Variants in PDE8B observed in about 807,000 individuals in gnomAD.
PDE8B encodes high affinity cAMP-specific and IBMX-insensitive 3',5'-cyclic phosphodiesterase 8B.
PDE8B carries 26 observed loss-of-function variants against 101.3 expected under a neutral mutation model. The observed-to-expected ratio is 0.26, with a 90% CI of 0.19 to 0.36. The LOEUF (loss-of-function observed/expected upper bound fraction) is 0.36, where lower values mean the gene tolerates loss of function less well. Ranked by LOEUF, PDE8B falls within the 10% of genes least tolerant of loss-of-function variation. The pLI, the probability that PDE8B is intolerant of heterozygous loss-of-function variation, is 1.00. For synonymous variants in PDE8B, 424 were observed against 429.3 expected (o/e 0.99, Z 0.15); for missense variants, 810 against 1,163.1 (o/e 0.70, Z 4.42).
the PDE8B span, among the ~76,000 whole-genome samples, chr5:77,173,634 T>A: frequency 6.6e-6 from 1 of 151,974 alleles, no homozygotes; most frequent in Admixed American, 6.6e-5. Flanking sequence ...CCTCTTTTTT[T>A]AATGTGAAGC....
Position 77,321,245 on chromosome 5 carries a change from G to C in PDE8B, c.400-4294G>C, listed in dbSNP as rs559628193. On this transcript the variant is annotated intron_variant, in intron 2 of 21. Transcript: ENST00000264917. ...GCTCACTGCAACATCTCTGCCTCTC[G>C]GGTTCAAGCAATTCTCCTGCTTCAG... 3.5e-5 allele frequency among the ~76,000 whole-genome samples: 5 copies of C among 142,114 alleles called. No homozygotes were observed. The South Asian group carries it at 6.4e-4, about 18-fold the overall frequency. 93.2% of individuals were successfully genotyped at this position (142,114 alleles called of 152,430 possible). A position where few individuals can be genotyped will look rare whatever the true frequency, so the allele number is the denominator to read the frequency against.
the PDE8B span, among the ~76,000 whole-genome samples, chr5:77,129,426 G>A: frequency 6.6e-6 from 1 of 152,054 alleles, no homozygotes; most frequent in South Asian, 2.1e-4. Context: ...TAGCCAGGAT[G>A]GTCACTGTAA....
At chr5:77,237,699 C>T (rs73767346) in intron 1 of PDE8B, among the ~76,000 whole-genome samples, 2,205 of 152,240 alleles carry the variant, frequency 0.014, 44 homozygotes, top group African/African-American at 0.051. Flanking sequence ...TTCCTTCATT[C>T]GTGATGTTCC....
chr5:77,305,252 A>G (rs1394244268), intron 1 of PDE8B, among the ~76,000 whole-genome samples: 1 of 152,224 alleles, frequency 6.6e-6, no homozygotes, highest in African/African-American at 2.4e-5. Flanking sequence ...TTCCCCAGGT[A>G]CTTCTAATAT....
At chr5:77,178,984 G>A in the PDE8B span, among the ~76,000 whole-genome samples, 1 of 152,212 alleles carries the variant, frequency 6.6e-6, no homozygotes, top group East Asian at 1.9e-4. Context: ...AGTGTCATTT[G>A]GTCACCTTTG....
chr5:77,416,431 G>A (rs2151138761), intron 17 of PDE8B, among the ~76,000 whole-genome samples: 1 of 152,314 alleles, frequency 6.6e-6, no homozygotes, highest in East Asian at 1.9e-4. Context: ...GCTGTCCTGG[G>A]TCCTGAGCTT....
intron 1 of PDE8B, among the ~76,000 whole-genome samples, chr5:77,221,996 G>A (rs2149435678): frequency 6.6e-6 from 1 of 152,278 alleles, no homozygotes; most frequent in African/African-American, 2.4e-5. Flanking sequence ...GTCATGCCAA[G>A]GCCCCAAACA....
At position 77,325,717 on chromosome 5, in the gene PDE8B, A is replaced by T. The variant is rs1342794203; in HGVS notation, c.578A>T (p.Glu193Val). Residue 193 changes from glutamate (E) to valine (V), a missense_variant, in exon 3 of 22, where the codon GAA becomes GTA. Physicochemically the swap from Glu to Val is moderately radical, Grantham distance 121. This residue lies in a region of PDE8B where 251 missense variants were observed against 378.8 expected (regional missense o/e 0.66). Coordinates refer to ENST00000264917, the MANE Select transcript of PDE8B (RefSeq NM_003719.5). ...DHRQTQNFDA[E>V]AVCRSIRATN... ...AGACAAACTCAGAACTTCGATGCAG[A>T]AGCAGTGTGCAGGTACCTTCTCTAA... 1 of 1,610,512 alleles carries T rather than the reference A, an allele frequency of 6.2e-7. No homozygotes were observed. Among genetic ancestry groups the T allele is most frequent in the Admixed American group, 1.7e-5 (1 of 60,024 alleles).
intron 1 of PDE8B, among the ~76,000 whole-genome samples, chr5:77,305,625 G>A (rs1477943546): frequency 6.6e-6 from 1 of 152,210 alleles, no homozygotes; most frequent in Non-Finnish European, 1.5e-5. Flanking sequence ...CTGACTGGAA[G>A]CCAGAGGACA....
rs1796013012 is a variant in PDE8B at position 77,418,524 on chromosome 5, G to A, written c.2129+78G>A. On this transcript the variant is annotated intron_variant, in intron 18 of 21. Transcript: ENST00000264917. ...CCCAAATACTTAGCTTCCTCTTAGG[G>A]GAAAGGGAAAATATTAGCTGTCCCA... 3.1e-6 allele frequency: 3 copies of A among 981,670 alleles called. No individual in the cohort carries two copies. The African/African-American group carries it at 4.8e-5, about 16-fold the overall frequency. 60.8% of individuals were successfully genotyped at this position (981,670 alleles called of 1,614,324 possible). A position where few individuals can be genotyped will look rare whatever the true frequency, so the allele number is the denominator to read the frequency against.
the PDE8B span, among the ~76,000 whole-genome samples, chr5:77,102,220 T>C: frequency 6.6e-6 from 1 of 152,184 alleles, no homozygotes; most frequent in Non-Finnish European, 1.5e-5. Flanking sequence ...ACTTGGCAGC[T>C]CCATTTTTGT....
the PDE8B span, among the ~76,000 whole-genome samples, chr5:77,124,595 A>AG: frequency 6.0e-5 from 9 of 150,312 alleles, no homozygotes; most frequent in Admixed American, 1.3e-4. Context: ...CAAAAAAAAA[A>AG]AAAGAAAGAA....
chr5:77,255,688 T>TC (rs999643704), intron 1 of PDE8B, among the ~76,000 whole-genome samples: 24 of 152,128 alleles, frequency 1.6e-4, no homozygotes, highest in African/African-American at 5.8e-4. Context: ...CAGGCGGAGG[T>TC]CAGTGCTCTG....
intron 1 of PDE8B, among the ~76,000 whole-genome samples, chr5:77,215,726 G>A (rs764717609): frequency 2.6e-5 from 4 of 152,206 alleles, no homozygotes; most frequent in African/African-American, 4.8e-5. Flanking sequence ...CTGGTCATGG[G>A]TAAAGGCCAG....
intron 1 of PDE8B, among the ~76,000 whole-genome samples, chr5:77,304,461 C>G (rs548039310): frequency 1.3e-5 from 2 of 152,220 alleles, no homozygotes; most frequent in East Asian, 3.9e-4. Context: ...GATTTCATCT[C>G]TCCAGCTCTG....
the PDE8B span, among the ~76,000 whole-genome samples, chr5:77,091,963 C>T: frequency 1.3e-5 from 2 of 152,174 alleles, no homozygotes; most frequent in Admixed American, 6.5e-5. Flanking sequence ...AAGAGGATTA[C>T]ACTCCAGTAT....
chr5:77,397,026 A>AT (rs71606290), intron 10 of PDE8B, among the ~76,000 whole-genome samples: 8,251 of 84,256 alleles, frequency 0.098, 1,013 homozygotes, highest in Middle Eastern at 0.15. Context: ...CCGATAAGAA[A>AT]TTTTTTTTTT....
chr5:77,363,495 C>T (rs763632571), intron 10 of PDE8B, among the ~76,000 whole-genome samples: 2 of 151,868 alleles, frequency 1.3e-5, no homozygotes, highest in Non-Finnish European at 2.9e-5. Flanking sequence ...GGGCGGATCA[C>T]GAGGTCAGGA....
At chr5:77,241,892 T>G (rs1055128482) in intron 1 of PDE8B, among the ~76,000 whole-genome samples, 9 of 152,196 alleles carry the variant, frequency 5.9e-5, no homozygotes, top group African/African-American at 1.9e-4. Flanking sequence ...CTGGAAAAGA[T>G]AGCAGAAAAA....
Sources: gnomAD v4.1 joint callset for allele counts (sites outside exome capture counted in the v4.1 genomes callset) on GRCh38, gnomAD v4.1.1 for gene constraint, gnomAD v4.1.1 regional missense constraint, MANE v1.5 for transcripts, NCBI Gene and HGNC (gene_info 2026-07-23, HGNC 2026-07-21) for gene names.